The following DOCK2 variants were observed in gnomAD, a reference collection of about 807,000 sequenced individuals.
DOCK2 encodes the protein dedicator of cytokinesis 2.
Under a neutral mutation model 248.9 loss-of-function variants are expected in DOCK2, and 87 were observed. The ratio of observed to expected loss-of-function variants is 0.35; its 90% CI spans 0.29 to 0.42. The LOEUF is 0.42. Ranked by LOEUF, DOCK2 falls within the 10% of genes least tolerant of loss-of-function variation. The pLI is 1.00. For missense variants in DOCK2, 1,747 were observed against 2,300.2 expected (o/e 0.76, Z 4.92); for synonymous variants, 805 against 821.6 (o/e 0.98, Z 0.35).
At chr5:169,926,253 T>C (rs1775449372) in intron 27 of DOCK2, among the ~76,000 whole-genome samples, 1 of 152,208 alleles carries the variant, frequency 6.6e-6, no homozygotes, top group South Asian at 2.1e-4. Flanking sequence ...TGATTGTCTC[T>C]CACCTGCCAC....
chr5:169,911,724 T>C (rs1213475192), intron 27 of DOCK2, among the ~76,000 whole-genome samples: 1 of 152,160 alleles, frequency 6.6e-6, no homozygotes, highest in Non-Finnish European at 1.5e-5. Context: ...ATGGTAAAAA[T>C]TGACTTCAAA....
chr5:170,055,492 T>C lies in DOCK2; in HGVS notation c.4295+106T>C. 4 of 1,039,026 alleles carry C rather than the reference T, an allele frequency of 3.8e-6. No individual in the cohort carries two copies. The South Asian group carries it at 5.6e-5, about 15-fold the overall frequency. The allele number at this position is 1,039,026 out of a possible 1,614,324, so 64.4% of individuals were successfully genotyped here. ...ACCCCAGTGTCTTTCTAGTTCCTTC[T>C]CTATCTTAGCCAGTTTTTCCCCCCT... On this transcript the variant is annotated intron_variant, in intron 42 of 51. Transcript: ENST00000520908.
chr5:169,906,351 A>G (rs1774278193), intron 27 of DOCK2, among the ~76,000 whole-genome samples: 1 of 152,220 alleles, frequency 6.6e-6, no homozygotes, highest in Non-Finnish European at 1.5e-5. Context: ...CCAGCATTCA[A>G]TAAGCATTAG....
At chr5:169,649,385 G>A (rs942902565) in intron 1 of DOCK2, among the ~76,000 whole-genome samples, 11 of 152,206 alleles carry the variant, frequency 7.2e-5, no homozygotes, top group South Asian at 2.1e-4. Context: ...CTTGATAAAT[G>A]CAAGAAAGAA....
chr5:169,860,409 C>T (rs545444345), intron 27 of DOCK2, among the ~76,000 whole-genome samples: 64 of 152,252 alleles, frequency 4.2e-4, no homozygotes, highest in Admixed American at 1.7e-3. Context: ...GTGTACCCTA[C>T]ATTGTGTTCT....
chr5:170,035,533 G>A (rs142390052), intron 35 of DOCK2, among the ~76,000 whole-genome samples: 1 of 152,290 alleles, frequency 6.6e-6, no homozygotes, highest in Non-Finnish European at 1.5e-5. Flanking sequence ...TCATGAAGAG[G>A]TGTTTTCCAC....
chr5:169,684,693 A>C (rs1413852429), intron 8 of DOCK2, among the ~76,000 whole-genome samples: 5 of 152,254 alleles, frequency 3.3e-5, no homozygotes, highest in Admixed American at 3.3e-4. Flanking sequence ...TCTGTTGCCC[A>C]GGCTGGAGTG....
chr5:169,820,018 C>T (rs974502742), intron 26 of DOCK2, among the ~76,000 whole-genome samples: 12 of 152,318 alleles, frequency 7.9e-5, no homozygotes, highest in South Asian at 2.1e-4. Context: ...GAGCCTCGCT[C>T]GTTGCTAGCA....
intron 27 of DOCK2, among the ~76,000 whole-genome samples, chr5:169,906,229 A>G (rs1020165557): frequency 5.9e-5 from 9 of 152,182 alleles, no homozygotes; most frequent in African/African-American, 2.2e-4. Context: ...CGTCAAACGC[A>G]AGCTTTACTG....
At chr5:169,957,445 A>T (rs2113737440) in intron 27 of DOCK2, among the ~76,000 whole-genome samples, 1 of 152,274 alleles carries the variant, frequency 6.6e-6, no homozygotes, top group Admixed American at 6.5e-5. Flanking sequence ...TCTGTGTAAA[A>T]CTATGTTGTC....
intron 27 of DOCK2, among the ~76,000 whole-genome samples, chr5:169,931,769 A>C (rs1042863577): frequency 6.6e-6 from 1 of 152,170 alleles, no homozygotes; most frequent in Non-Finnish European, 1.5e-5. Context: ...AGATGGAAGC[A>C]CAGCCAAGTG....
rs533550826 is a variant in DOCK2, at chr5:169,925,418, A to G, written c.2800-57650A>G. ...AACATGGTGAAACCCCATCTTTACT[A>G]AAATTACAAAAATTAACTGAGCGTG... On this transcript the variant is annotated intron_variant, in intron 27 of 51. Transcript: ENST00000520908. Among the ~76,000 whole-genome samples, 26 of 152,140 alleles carry G rather than the reference A, an allele frequency of 1.7e-4. 1 individual carries two copies. The South Asian group carries it at 5.0e-3, about 29-fold the overall frequency.
At chr5:169,734,897 GCA>G (rs1581114966) in intron 22 of DOCK2, among the ~76,000 whole-genome samples, 2 of 152,332 alleles carry the variant, frequency 1.3e-5, no homozygotes, top group African/African-American at 4.8e-5. Flanking sequence ...ACGAGGGCTT[GCA>G]GACGCCTTTG....
chr5:169,668,522 C>A (rs1474246924), intron 2 of DOCK2, among the ~76,000 whole-genome samples: 1 of 152,146 alleles, frequency 6.6e-6, no homozygotes, highest in Non-Finnish European at 1.5e-5. Flanking sequence ...GCTAGTGAGG[C>A]TCCTGACAGA....
At chr5:169,794,181 G>T (rs981403333) in intron 25 of DOCK2, among the ~76,000 whole-genome samples, 3 of 151,728 alleles carry the variant, frequency 2.0e-5, no homozygotes, top group Admixed American at 1.3e-4. Flanking sequence ...AACATTCCAG[G>T]TTCATCACCC....
chr5:169,875,179 T>G, intron 27 of DOCK2: 1 of 454,232 alleles, frequency 2.2e-6, no homozygotes, highest in Non-Finnish European at 4.4e-6. Context: ...ACCCTGATTT[T>G]TTACCTAAAA....
At chr5:169,945,238 G>A (rs1024567840) in intron 27 of DOCK2, among the ~76,000 whole-genome samples, 2 of 152,250 alleles carry the variant, frequency 1.3e-5, no homozygotes, top group Non-Finnish European at 2.9e-5. Context: ...CTCCAGGACT[G>A]TGTTATCATT....
intron 22 of DOCK2, among the ~76,000 whole-genome samples, chr5:169,733,417 T>G (rs1304539872): frequency 6.6e-6 from 1 of 151,826 alleles, no homozygotes; most frequent in Non-Finnish European, 1.5e-5. Context: ...ATACTAGATA[T>G]TATTATTGTT....
At chr5:169,659,655 G>A (rs1404217062) in intron 2 of DOCK2, among the ~76,000 whole-genome samples, 3 of 152,182 alleles carry the variant, frequency 2.0e-5, no homozygotes, top group African/African-American at 7.2e-5. Context: ...CATAGTTCAA[G>A]ATGGTACTCA....
Sources: gnomAD v4.1 joint callset for allele counts (sites outside exome capture counted in the v4.1 genomes callset) on GRCh38, gnomAD v4.1.1 for gene constraint, MANE v1.5 for transcripts, NCBI Gene and HGNC (gene_info 2026-07-23, HGNC 2026-07-21) for gene names.